The following WNT10A variants were observed in gnomAD, a reference collection of about 807,000 sequenced individuals.
WNT10A encodes the protein Wnt family member 10A.
WNT10A carries 37 observed loss-of-function variants against 36.1 expected under a neutral mutation model. The ratio of observed to expected loss-of-function variants is 1.02; its 90% CI spans 0.79 to 1.35. The LOEUF is 1.35. Among genes scored for constraint, WNT10A ranks in the 40% most tolerant of loss-of-function variants. The pLI is 0.00. For missense variants in WNT10A, 613 were observed against 601.4 expected, an observed-to-expected ratio of 1.02 and a Z score of -0.20; for synonymous variants, 255 against 254.1, an observed-to-expected ratio of 1.00 and a Z score of -0.03.
At chr2:218,883,501 C>T (rs1944541516) in intron 2 of WNT10A, among the ~76,000 whole-genome samples, 1 of 151,756 alleles carries the variant, frequency 6.6e-6, no homozygotes, top group African/African-American at 2.4e-5. Flanking sequence ...TCAGGGGCCA[C>T]CCCAGCCTCC....
chr2:218,882,973 T>C (rs1358833560), intron 2 of WNT10A, among the ~76,000 whole-genome samples: 1 of 152,222 alleles, frequency 6.6e-6, no homozygotes, highest in Non-Finnish European at 1.5e-5. Context: ...TCAGAGGTGC[T>C]GGGTGTGTGT....
chr2:218,876,608 C>T (rs1944455396), upstream of WNT10A, among the ~76,000 whole-genome samples: 1 of 152,146 alleles, frequency 6.6e-6, no homozygotes, highest in South Asian at 2.1e-4. Flanking sequence ...CCAAAGGAAA[C>T]TCTGTTAACT....
In WNT10A at chr2:218,893,088, C is replaced by G. The variant is rs755837834; in HGVS notation, c.1071C>G (p.Thr357=). The G allele has an allele frequency of 6.3e-7, 1 of 1,596,530 alleles. No homozygotes were observed. Residue 357 remains threonine (T), a synonymous_variant, in exon 4 of 4, where the codon ACC becomes ACG. Coordinates refer to ENST00000258411, the MANE Select transcript of WNT10A (RefSeq NM_025216.3). The surrounding 1 kb of genome is among the most constrained non-coding windows in gnomAD (Gnocchi z 6.3). The stretch of plus-strand genomic sequence containing the variant: ...AGCCGCGCCTGGACTCGGCGGGCAC[C>G]GTGGGCCGCCTGTGCAACAAGAGCA... The part of the protein sequence containing the change: ...EREPRLDSAG[T]VGRLCNKSSA...
chr2:218,885,478 C>T (rs1396291117), intron 2 of WNT10A, among the ~76,000 whole-genome samples: 1 of 152,142 alleles, frequency 6.6e-6, no homozygotes, highest in Non-Finnish European at 1.5e-5. Context: ...GAGCTGGGCT[C>T]AGCACTGGAG....
chr2:218,876,957 T>A (rs2106008550), upstream of WNT10A, among the ~76,000 whole-genome samples: 1 of 152,292 alleles, frequency 6.6e-6, no homozygotes, highest in South Asian at 2.1e-4. Flanking sequence ...GGTTCCAGAC[T>A]GTCTGGGACG....
chr2:218,891,412 T>C (rs1300986113), intron 3 of WNT10A, among the ~76,000 whole-genome samples: 1 of 152,116 alleles, frequency 6.6e-6, no homozygotes, highest in Non-Finnish European at 1.5e-5. Flanking sequence ...ACCTTCTCCA[T>C]CTCACTCTTC....
At chr2:218,880,142 T>C (rs1175155043), upstream of WNT10A, among the ~76,000 whole-genome samples, 2 of 152,048 alleles carry the variant, frequency 1.3e-5, no homozygotes, top group African/African-American at 4.8e-5. The surrounding 1 kb of genome is among the most constrained non-coding windows in gnomAD (Gnocchi z 7.7). Flanking sequence ...GGGAAGTCCC[T>C]CCTCTGGCGG....
chr2:218,878,706 G>T (rs1438395412), upstream of WNT10A, among the ~76,000 whole-genome samples: 1 of 152,176 alleles, frequency 6.6e-6, no homozygotes, highest in Non-Finnish European at 1.5e-5. This position sits in a 1 kb window ranked among gnomAD's most constrained non-coding sequence, Gnocchi z 4.1. Context: ...CGTGGGAAAT[G>T]CTAGTGTGAG....
intron 2 of WNT10A, 119 bp downstream of exon 2, chr2:218,882,542 A>C: frequency 4.6e-6 from 6 of 1,304,382 alleles, no homozygotes; most frequent in Non-Finnish European, 5.4e-6. Flanking sequence ...CCACACACCC[A>C]TCTGTTGGCC....
chr2:218,890,613 C>T (rs1944639968), intron 3 of WNT10A, among the ~76,000 whole-genome samples: 1 of 152,166 alleles, frequency 6.6e-6, no homozygotes, highest in Non-Finnish European at 1.5e-5. Context: ...TGCTGAGCAA[C>T]CTGCTTCTCC....
At chr2:218,879,067 TCC>T (rs3840475), upstream of WNT10A, among the ~76,000 whole-genome samples, 7 of 138,982 alleles carry the variant, frequency 5.0e-5, no homozygotes, top group African/African-American at 2.1e-4. Flanking sequence ...GCCAGACTGC[TCC>T]CCCCCCACTG....
chr2:218,881,570 T>TGTGTGTG (rs1205089452), intron 1 of WNT10A, among the ~76,000 whole-genome samples: 2,106 of 139,322 alleles, frequency 0.015, 46 homozygotes, highest in African/African-American at 0.056. Flanking sequence ...GTGTGTGTGT[T>TGTGTGTG]TTCAATCGAG....
At chr2:218,877,995 G>A (rs2106008916), upstream of WNT10A, among the ~76,000 whole-genome samples, 1 of 152,304 alleles carries the variant, frequency 6.6e-6, no homozygotes, top group East Asian at 1.9e-4. This position sits in a 1 kb window ranked among gnomAD's most constrained non-coding sequence, Gnocchi z 4.1. Context: ...CTTCCTCCCT[G>A]TGACCTTCTC....
chr2:218,881,496 G>C (rs1317082918), intron 1 of WNT10A, among the ~76,000 whole-genome samples: 2 of 152,082 alleles, frequency 1.3e-5, no homozygotes, highest in Non-Finnish European at 2.9e-5. Context: ...AGGCTGGAAG[G>C]GGGTAGCCCA....
At chr2:218,887,758 A>G (rs1469723294) in intron 2 of WNT10A, among the ~76,000 whole-genome samples, 1 of 152,258 alleles carries the variant, frequency 6.6e-6, no homozygotes, top group Non-Finnish European at 1.5e-5. Flanking sequence ...GAGTGAGGTC[A>G]GATAGCAGAA....
rs370462053 is a variant in WNT10A at position 218,890,332 on chromosome 2, T to A, written c.725T>A (p.Met242Lys). The part of the protein sequence containing the change: ...REPHRDIHAR[M>K]RLHNNRVGRQ... ...CCTCACAGAGACATCCACGCGAGAA[T>A]GAGGCTTCACAACAACCGAGTTGGG... is the stretch of plus-strand genomic sequence containing the variant. The change falls in exon 3 of 4, where the codon ATG (methionine) becomes AAG (lysine). Residue 242 changes from methionine to lysine, a missense_variant. Physicochemically the swap from Met to Lys is moderately conservative, Grantham distance 95. Transcript: ENST00000258411. 6.2e-7 allele frequency: 1 copy of A among 1,600,974 alleles called. No homozygotes were observed. Among genetic ancestry groups the A allele is most frequent in the African/African-American group, 1.3e-5 (1 of 75,030 alleles).
At chr2:218,892,339 A>G (rs1433093091) in intron 3 of WNT10A, among the ~76,000 whole-genome samples, 3 of 150,908 alleles carry the variant, frequency 2.0e-5, no homozygotes, top group Non-Finnish European at 4.4e-5. Flanking sequence ...ACACACACAC[A>G]CACACACACA....
At chr2:218,891,702 A>G (rs1307280489) in intron 3 of WNT10A, among the ~76,000 whole-genome samples, 1 of 152,178 alleles carries the variant, frequency 6.6e-6, no homozygotes, top group Non-Finnish European at 1.5e-5. Flanking sequence ...CTGGGGAGGC[A>G]TTGGTCTGGT....
chr2:218,882,108 G>T, intron 1 of WNT10A, 53 bp from the exon 2 acceptor site: 1 of 1,585,140 alleles, frequency 6.3e-7, no homozygotes. Flanking sequence ...TGTTAGATGG[G>T]GCTCTCCTGG....
Sources: gnomAD v4.1 joint callset for allele counts (sites outside exome capture counted in the v4.1 genomes callset) on GRCh38, gnomAD v4.1.1 for gene constraint, Gnocchi (gnomAD v3.1) non-coding constraint, MANE v1.5 for transcripts, NCBI Gene and HGNC (gene_info 2026-07-23, HGNC 2026-07-21) for gene names.